Variants in STPG2 observed in about 807,000 individuals in gnomAD.
STPG2 encodes the protein sperm-tail PG-rich repeat-containing protein 2.
In STPG2, 56 loss-of-function variants were observed where a neutral mutation model predicts 54.2. The ratio of observed to expected loss-of-function variants is 1.03; its 90% CI spans 0.83 to 1.29. The LOEUF (loss-of-function observed/expected upper bound fraction) is 1.29. STPG2 is among the 50% of genes most tolerant of loss of function. STPG2 has a pLI of 0.00. For missense variants in STPG2, 596 were observed against 544.9 expected, an observed-to-expected ratio of 1.09 and a Z score of -0.93; for synonymous variants, 200 against 181.8, an observed-to-expected ratio of 1.10 and a Z score of -0.81.
At chr4:97,962,485 AG>A (rs574457211) in intron 7 of STPG2, among the ~76,000 whole-genome samples, 152 of 152,338 alleles carry the variant, frequency 1.0e-3, no homozygotes, top group Middle Eastern at 3.4e-3. Context: ...ATTAAACACA[AG>A]GTTTACCAGA....
At chr4:97,964,014 A>C (rs1437080852) in intron 7 of STPG2, among the ~76,000 whole-genome samples, 1 of 152,208 alleles carries the variant, frequency 6.6e-6, no homozygotes, top group African/African-American at 2.4e-5. Context: ...ATATAATAAA[A>C]GAAAAATGTC....
chr4:97,978,168 G>C (rs1186524310), intron 6 of STPG2, among the ~76,000 whole-genome samples: 1 of 152,144 alleles, frequency 6.6e-6, no homozygotes, highest in Non-Finnish European at 1.5e-5. Context: ...CCATTACTGG[G>C]TATATACCCA....
At chr4:98,112,027 T>G (rs1486296688) in intron 3 of STPG2, among the ~76,000 whole-genome samples, 1 of 152,040 alleles carries the variant, frequency 6.6e-6, no homozygotes, top group Non-Finnish European at 1.5e-5. Flanking sequence ...TGAACTCAGC[T>G]ACTCCACCAG....
chr4:97,753,885 T>C (rs1186536622), intron 9 of STPG2, among the ~76,000 whole-genome samples: 1 of 152,050 alleles, frequency 6.6e-6, no homozygotes, highest in African/African-American at 2.4e-5. Flanking sequence ...TGTTTTTGAG[T>C]TTAAAGAGTT....
At chr4:97,903,411 C>A (rs1731256657) in intron 8 of STPG2, among the ~76,000 whole-genome samples, 1 of 149,460 alleles carries the variant, frequency 6.7e-6, no homozygotes, top group Admixed American at 6.7e-5. Flanking sequence ...TAAAAAATGG[C>A]CAAAAATCAA....
intron 5 of STPG2, among the ~76,000 whole-genome samples, chr4:98,020,515 G>A (rs1296094168): frequency 1.3e-5 from 2 of 151,950 alleles, no homozygotes; most frequent in Non-Finnish European, 2.9e-5. Flanking sequence ...TTTGGTATCA[G>A]GATGATACTG....
rs34747108 is a variant in STPG2 at position 97,727,722 on chromosome 4, CT to C, written c.1205-14909del. Among the ~76,000 whole-genome samples, 643 of 147,064 alleles carry C rather than the reference CT, an allele frequency of 4.4e-3. 14 individuals carry two copies. Among genetic ancestry groups the C allele is most frequent in the Admixed American group, 0.026 (389 of 14,844 alleles). On this transcript the variant is annotated intron_variant, in intron 9 of 10. Coordinates refer to ENST00000295268, the MANE Select transcript of STPG2 (RefSeq NM_174952.3). ...TTCCAACACGTATGATCATGGATTC[CT>C]TTTTTTTTTTCACAATTTTCTTACA...
At chr4:97,986,321 A>C (rs763485448) in intron 5 of STPG2, among the ~76,000 whole-genome samples, 4 of 152,200 alleles carry the variant, frequency 2.6e-5, no homozygotes, top group Admixed American at 6.5e-5. Flanking sequence ...CACATAATAA[A>C]GGTTTGCTAG....
intron 5 of STPG2, among the ~76,000 whole-genome samples, chr4:98,055,020 T>G (rs1014736941): frequency 2.0e-5 from 3 of 152,064 alleles, no homozygotes; most frequent in African/African-American, 4.8e-5. Context: ...GCACTCCTAC[T>G]GGAATGTTCC....
intron 8 of STPG2, among the ~76,000 whole-genome samples, chr4:97,849,073 A>T (rs538478172): frequency 6.7e-6 from 1 of 149,834 alleles, no homozygotes; most frequent in Non-Finnish European, 1.5e-5. Flanking sequence ...GGCATTGAAT[A>T]TGTAAATTAC....
At chr4:97,915,742 A>G (rs539790478) in intron 8 of STPG2, among the ~76,000 whole-genome samples, 180 of 152,230 alleles carry the variant, frequency 1.2e-3, no homozygotes, top group Non-Finnish European at 2.1e-3. Flanking sequence ...TAAGGCTGGA[A>G]AGTGATGCAG....
chr4:97,935,370 C>T (rs1732709842), intron 8 of STPG2, among the ~76,000 whole-genome samples: 1 of 152,142 alleles, frequency 6.6e-6, no homozygotes, highest in Admixed American at 6.5e-5. Context: ...TTTTTCGCAT[C>T]TCCATCTCCT....
chr4:97,859,046 C>A (rs1204198406), intron 8 of STPG2, among the ~76,000 whole-genome samples: 1 of 152,188 alleles, frequency 6.6e-6, no homozygotes, highest in Non-Finnish European at 1.5e-5. Context: ...TCACCACATC[C>A]ATGCTAACAT....
At chr4:97,937,525 T>A (rs1732792894) in intron 8 of STPG2, among the ~76,000 whole-genome samples, 1 of 152,220 alleles carries the variant, frequency 6.6e-6, no homozygotes, top group South Asian at 2.1e-4. Flanking sequence ...TTGTCTAGTG[T>A]CAATCTTTCA....
chr4:97,521,889 A>T (rs1290399280), intron 4 of STPG2, among the ~76,000 whole-genome samples: 1 of 151,938 alleles, frequency 6.6e-6, no homozygotes, highest in Admixed American at 6.6e-5. Flanking sequence ...GCAGGTGAAT[A>T]ACCCAGGCCC....
intron 8 of STPG2, among the ~76,000 whole-genome samples, chr4:97,898,923 T>C (rs1437847434): frequency 6.6e-6 from 1 of 151,406 alleles, no homozygotes; most frequent in African/African-American, 2.4e-5. Flanking sequence ...AAAGGATAAC[T>C]TTAAGAGGTG....
At chr4:97,951,463 TC>T (rs1450809755) in intron 7 of STPG2, among the ~76,000 whole-genome samples, 2 of 152,186 alleles carry the variant, frequency 1.3e-5, no homozygotes, top group Non-Finnish European at 2.9e-5. Context: ...TTCTAATTAT[TC>T]TTGAAATTAT....
At chr4:98,026,354 G>A (rs954245497) in intron 5 of STPG2, 46 of 467,622 alleles carry the variant, frequency 9.8e-5, no homozygotes, top group Middle Eastern at 1.2e-3. Flanking sequence ...GTTAGTTACC[G>A]ATTTATTCCT....
At chr4:97,462,705 G>C (rs566405793) in intron 4 of STPG2, among the ~76,000 whole-genome samples, 3 of 151,822 alleles carry the variant, frequency 2.0e-5, no homozygotes, top group Admixed American at 1.3e-4. Context: ...GTTGCTGATA[G>C]CTATAAATTT....
Sources: gnomAD v4.1 joint callset for allele counts (sites outside exome capture counted in the v4.1 genomes callset) on GRCh38, gnomAD v4.1.1 for gene constraint, MANE v1.5 for transcripts, NCBI Gene and HGNC (gene_info 2026-07-23, HGNC 2026-07-21) for gene names.